Variants in PARPBP observed in about 807,000 individuals in gnomAD.
PARPBP encodes PARP1 binding protein, also known as PCNA-interacting partner.
In PARPBP, 52 loss-of-function variants were observed where a neutral mutation model predicts 50.0. That is an observed-to-expected ratio of 1.04 (90% confidence interval 0.83 to 1.31). The LOEUF is 1.31. PARPBP is among the 50% of genes most tolerant of loss of function. The pLI, the probability that PARPBP is intolerant of heterozygous loss-of-function variation, is 0.00. For synonymous variants in PARPBP, 244 were observed against 232.1 expected (o/e 1.05, Z -0.47); for missense variants, 697 against 672.0 (o/e 1.04, Z -0.41).
intron 4 of PARPBP, among the ~76,000 whole-genome samples, chr12:102,158,336 T>C (rs796713007): frequency 3.9e-5 from 6 of 152,298 alleles, no homozygotes; most frequent in African/African-American, 1.4e-4. Flanking sequence ...TATTCTTTTA[T>C]TGCTCTCCTT....
intron 4 of PARPBP, among the ~76,000 whole-genome samples, chr12:102,161,279 T>C (rs141150271): frequency 3.3e-5 from 5 of 152,016 alleles, no homozygotes; most frequent in Non-Finnish European, 5.9e-5. Flanking sequence ...CTAATTTTTT[T>C]GTATTTTTAG....
At chr12:102,157,481 C>T (rs890467076) in intron 4 of PARPBP, among the ~76,000 whole-genome samples, 3 of 150,470 alleles carry the variant, frequency 2.0e-5, no homozygotes, top group African/African-American at 7.3e-5. Flanking sequence ...TGATTAATTC[C>T]TTGTGGTATT....
At chr12:102,137,955 C>T (rs1270660839) in intron 2 of PARPBP, among the ~76,000 whole-genome samples, 2 of 152,246 alleles carry the variant, frequency 1.3e-5, no homozygotes, top group East Asian at 3.9e-4. Flanking sequence ...AATAGTGTCG[C>T]AATAAACATA....
At chr12:102,163,944 G>A (rs1887859780) in intron 4 of PARPBP, among the ~76,000 whole-genome samples, 1 of 152,024 alleles carries the variant, frequency 6.6e-6, no homozygotes. Context: ...GACAATTTCT[G>A]TTGACTACTT....
At chr12:102,170,493 G>T (rs1468543966) in intron 6 of PARPBP, among the ~76,000 whole-genome samples, 1 of 152,268 alleles carries the variant, frequency 6.6e-6, no homozygotes, top group East Asian at 1.9e-4. Flanking sequence ...GTGTGGCTAA[G>T]CATATCTAAA....
At chr12:102,186,834 A>G (rs1890345927) in intron 9 of PARPBP, among the ~76,000 whole-genome samples, 1 of 152,176 alleles carries the variant, frequency 6.6e-6, no homozygotes, top group South Asian at 2.1e-4. Flanking sequence ...TAATCAGGAA[A>G]ATACTGGACC....
intron 2 of PARPBP, among the ~76,000 whole-genome samples, chr12:102,141,737 A>G (rs1884635734): frequency 6.6e-6 from 1 of 152,060 alleles, no homozygotes; most frequent in Non-Finnish European, 1.5e-5. Context: ...TTTCTCCTTC[A>G]CTTATGAAGC....
At chr12:102,132,514 C>T (rs888108616) in intron 2 of PARPBP, among the ~76,000 whole-genome samples, 4 of 152,048 alleles carry the variant, frequency 2.6e-5, no homozygotes, top group East Asian at 3.9e-4. Context: ...CTGGTCTATC[C>T]GTATGTTTTT....
At chr12:102,146,049 C>G (rs942167698) in intron 2 of PARPBP, among the ~76,000 whole-genome samples, 3 of 152,110 alleles carry the variant, frequency 2.0e-5, no homozygotes, top group Non-Finnish European at 2.9e-5. Flanking sequence ...CAAACCACTG[C>G]TCAATGAAAT....
At position 102,163,368 on chromosome 12, in the gene PARPBP, A is replaced by G. The variant is rs573268448; in HGVS notation, c.496-1070A>G. Among the ~76,000 whole-genome samples the G allele has an allele frequency of 5.3e-5, 8 of 152,176 alleles. No individual in the cohort carries two copies. In the South Asian group the frequency reaches 1.0e-3, roughly 20 times the overall value. The stretch of plus-strand genomic sequence containing the variant: ...ATTGTTCCTCTGTAGGTAATGTGTC[A>G]TTTTGTTCTGGCTGCACTCAAGATT... On this transcript the variant is annotated intron_variant, in intron 4 of 10. Coordinates refer to ENST00000327680, the MANE Select transcript of PARPBP (RefSeq NM_017915.5).
At chr12:102,161,107 G>A (rs1392528955) in intron 4 of PARPBP, among the ~76,000 whole-genome samples, 1 of 138,350 alleles carries the variant, frequency 7.2e-6, no homozygotes, top group African/African-American at 2.9e-5. Context: ...TTTATCCCAG[G>A]TAAGTTTTTT....
intron 4 of PARPBP, among the ~76,000 whole-genome samples, chr12:102,160,078 A>G (rs1887399281): frequency 6.6e-6 from 1 of 152,232 alleles, no homozygotes; most frequent in Non-Finnish European, 1.5e-5. Context: ...CTTGGACATC[A>G]TAACTATACT....
chr12:102,133,988 C>T (rs1883240639), intron 2 of PARPBP, among the ~76,000 whole-genome samples: 1 of 151,462 alleles, frequency 6.6e-6, no homozygotes, highest in South Asian at 2.1e-4. Context: ...AAGCTTATAG[C>T]AATAAACACC....
At position 102,165,711 on chromosome 12, in the gene PARPBP, G is replaced by A. The variant is rs749503286; in HGVS notation, c.667-18G>A. 7.9e-5 allele frequency: 125 copies of A among 1,581,862 alleles called. No individual in the cohort carries two copies. Among genetic ancestry groups the A allele is most frequent in the South Asian group, 3.2e-4 (28 of 86,494 alleles). ...ATAAATCACTGGACATAACTTATCC[G>A]TTTGTTTTAATTCATAGGTGGCCAC... On this transcript the variant is annotated intron_variant, in intron 5 of 10. Transcript: ENST00000327680.
At chr12:102,183,192 CA>C (rs1890000917) in intron 9 of PARPBP, among the ~76,000 whole-genome samples, 1 of 152,008 alleles carries the variant, frequency 6.6e-6, no homozygotes, top group Admixed American at 6.6e-5. Context: ...CCTTATTTTT[CA>C]AAAAGAAATT....
Position 102,187,744 on chromosome 12 carries a change from T to C in PARPBP, c.1263+5117T>C, listed in dbSNP as rs1890425430. ...GAGGAGAAAATAAAATGCTGTCAGATAAGGAAGGAACAGAATCAAGTTGTG... is the reference window on the plus strand; with the variant it reads ...GAGGAGAAAATAAAATGCTGTCAGACAAGGAAGGAACAGAATCAAGTTGTG... On this transcript the variant is annotated intron_variant, in intron 9 of 10. Coordinates refer to ENST00000327680, the MANE Select transcript of PARPBP (RefSeq NM_017915.5). Among the ~76,000 whole-genome samples the C allele has an allele frequency of 2.0e-5, 3 of 152,140 alleles. No individual in the cohort carries two copies. In the South Asian group the frequency reaches 6.2e-4, roughly 31 times the overall value.
At chr12:102,122,133 C>T (rs1233418612) in intron 1 of PARPBP, among the ~76,000 whole-genome samples, 3 of 152,130 alleles carry the variant, frequency 2.0e-5, no homozygotes, top group Admixed American at 1.3e-4. Flanking sequence ...CATAATACTA[C>T]CTTTAAATAA....
chr12:102,135,368 C>T (rs926505360), intron 2 of PARPBP, among the ~76,000 whole-genome samples: 2 of 151,878 alleles, frequency 1.3e-5, no homozygotes, highest in Admixed American at 1.3e-4. Context: ...CACGGTGAAA[C>T]CCCATCTTTA....
chr12:102,140,953 T>C (rs1347578074), intron 2 of PARPBP, among the ~76,000 whole-genome samples: 3 of 152,252 alleles, frequency 2.0e-5, no homozygotes, highest in African/African-American at 2.4e-5. Context: ...GAAGAATGTA[T>C]ATTCTGTTGA....
Sources: gnomAD v4.1 joint callset for allele counts (sites outside exome capture counted in the v4.1 genomes callset) on GRCh38, gnomAD v4.1.1 for gene constraint, MANE v1.5 for transcripts, NCBI Gene and HGNC (gene_info 2026-07-23, HGNC 2026-07-21) for gene names.